Variants in SLC6A5 observed in about 807,000 individuals in gnomAD.
SLC6A5 encodes solute carrier family 6 member 5, also known as sodium- and chloride-dependent glycine transporter 2.
In SLC6A5, 58 loss-of-function variants were observed where a neutral mutation model predicts 90.5. That is an observed-to-expected ratio of 0.64 (90% CI 0.52 to 0.80). The LOEUF (loss-of-function observed/expected upper bound fraction) is 0.80, where lower values mean the gene tolerates loss of function less well. Among genes scored for constraint, SLC6A5 ranks in the 30% least tolerant of loss-of-function variants. SLC6A5 has a pLI of 0.00. For missense variants in SLC6A5, 1,015 were observed against 1,017.6 expected (o/e 1.00, Z 0.03); for synonymous variants, 427 against 401.4 (o/e 1.06, Z -0.76).
intron 4 of SLC6A5, 68 bp downstream of exon 4, chr11:20,607,206 C>G: frequency 1.3e-6 from 2 of 1,553,426 alleles, no homozygotes; most frequent in Admixed American, 3.9e-5. Flanking sequence ...CACCATGCAG[C>G]CCCAGGGAGG....
At chr11:20,602,038 A>T (rs1351775530) in intron 2 of SLC6A5, among the ~76,000 whole-genome samples, 1 of 152,224 alleles carries the variant, frequency 6.6e-6, no homozygotes, top group East Asian at 1.9e-4. Flanking sequence ...TAATTAAACA[A>T]AAAGAGGGTT....
chr11:20,644,737 A>T (rs1283504147), intron 13 of SLC6A5, among the ~76,000 whole-genome samples: 1 of 152,222 alleles, frequency 6.6e-6, no homozygotes, highest in Non-Finnish European at 1.5e-5. Context: ...GTACAACTCA[A>T]TGAATTTTCA....
rs749736055 is a variant in SLC6A5 at position 20,601,474 on chromosome 11, G to A, written c.349G>A (p.Ala117Thr). The A allele has an allele frequency of 2.5e-6, 4 of 1,612,438 alleles. No homozygotes were observed. The South Asian group carries it at 3.3e-5, about 13-fold the overall frequency. Residue 117 changes from alanine to threonine, a missense_variant, in exon 2 of 16, where the codon GCG (alanine) becomes ACG (threonine). Coordinates refer to ENST00000525748, the MANE Select transcript of SLC6A5 (RefSeq NM_004211.5). Reference protein sequence around the residue: ...PPPGSSGPGNALHCKIPFLRG... With the variant: ...PPPGSSGPGNTLHCKIPFLRG... Reference sequence around the variant, plus strand: ...TCCCGGGAGCTCCGGGCCCGGCAACGCGCTGCACTGTAAGATCCCTTTTCT... The same window carrying A: ...TCCCGGGAGCTCCGGGCCCGGCAACACGCTGCACTGTAAGATCCCTTTTCT...
At chr11:20,612,087 AC>A (rs1428363896) in intron 5 of SLC6A5, among the ~76,000 whole-genome samples, 1 of 152,218 alleles carries the variant, frequency 6.6e-6, no homozygotes, top group East Asian at 1.9e-4. Flanking sequence ...GGTCTAAAGA[AC>A]TACTGAAAGG....
At chr11:20,607,431 C>T (rs1852604841) in intron 4 of SLC6A5, 48 bp from the exon 5 acceptor site, 1 of 1,609,270 alleles carries the variant, frequency 6.2e-7, no homozygotes. Context: ...TCTAAGAATT[C>T]CATAGCATTT....
Position 20,599,648 on chromosome 11 carries a change from GT to G in SLC6A5, c.-23del. 6.2e-7 allele frequency: 1 copy of G among 1,614,100 alleles called. No homozygotes were observed. The highest frequency in any genetic ancestry group is 2.2e-5 in the East Asian group (1 of 44,870). On this transcript the variant is annotated 5_prime_UTR_variant, in exon 1 of 16. Transcript: ENST00000525748. ...CAATAGCGGGTTTCACCCTCCACCA[GT>G]TCAGTCTGTTGCCTGTGTCAGACAT...
In SLC6A5 at chr11:20,640,346, T is replaced by C. The variant is rs115330896; in HGVS notation, c.1969+1788T>C. Reference sequence around the variant, plus strand: ...CTGTTCAGGATGGTTTAAAACATCATTAAAATAGAAACCTTAATATTTCTG... The same window carrying C: ...CTGTTCAGGATGGTTTAAAACATCACTAAAATAGAAACCTTAATATTTCTG... On this transcript the variant is annotated intron_variant, in intron 13 of 15. Coordinates refer to ENST00000525748, the MANE Select transcript of SLC6A5 (RefSeq NM_004211.5). Among the ~76,000 whole-genome samples, 1,012 of 152,324 alleles carry C rather than the reference T, an allele frequency of 6.6e-3. 16 individuals carry two copies. The highest frequency in any genetic ancestry group is 0.022 in the African/African-American group (899 of 41,576).
Position 20,601,137 on chromosome 11 carries a change from T to C in SLC6A5, c.12T>C (p.Ser4=). The change falls in exon 2 of 16, where the codon AGT becomes AGC. Residue 4 remains serine, a synonymous_variant. Transcript: ENST00000525748. ...TGACATTGTGTTTGCAGGATTGCAG[T>C]GCTCCCAAGGAAATGAATAAACTGC... MDC[S]APKEMNKLPA... 3 of 1,590,680 alleles carry C rather than the reference T, an allele frequency of 1.9e-6. No individual in the cohort carries two copies. The highest frequency in any genetic ancestry group is 2.6e-6 in the Non-Finnish European group (3 of 1,176,078).
chr11:20,620,593 T>G (rs1852870710), intron 7 of SLC6A5, among the ~76,000 whole-genome samples: 2 of 152,180 alleles, frequency 1.3e-5, no homozygotes, highest in African/African-American at 4.8e-5. Flanking sequence ...AAGAGAGCTT[T>G]GTTGAACACT....
At chr11:20,641,000 G>A (rs562959679) in intron 13 of SLC6A5, among the ~76,000 whole-genome samples, 42 of 152,272 alleles carry the variant, frequency 2.8e-4, no homozygotes, top group Admixed American at 9.1e-4. Context: ...CAATTTTCAA[G>A]TTTTATTTAT....
intron 7 of SLC6A5, among the ~76,000 whole-genome samples, chr11:20,620,550 A>G (rs1195092145): frequency 6.6e-6 from 1 of 152,222 alleles, no homozygotes; most frequent in Non-Finnish European, 1.5e-5. Flanking sequence ...TGACATCTCC[A>G]CAGCAGTGGC....
chr11:20,609,524 A>G (rs1042685508), intron 5 of SLC6A5, among the ~76,000 whole-genome samples: 5 of 152,124 alleles, frequency 3.3e-5, no homozygotes, highest in African/African-American at 1.2e-4. Context: ...TAGACAACGG[A>G]TATTGCCAGG....
intron 14 of SLC6A5, among the ~76,000 whole-genome samples, chr11:20,651,893 G>A (rs1853539455): frequency 1.3e-5 from 2 of 151,704 alleles, no homozygotes; most frequent in South Asian, 2.1e-4. Flanking sequence ...GTGACAGAGT[G>A]AGACTCTGTC....
chr11:20,617,629 G>T (rs1473052610), intron 6 of SLC6A5, 123 bp from the exon 7 acceptor site: 2 of 812,612 alleles, frequency 2.5e-6, no homozygotes. Context: ...TGGTGGGGTG[G>T]GTGGAGGATG....
intron 1 of SLC6A5, 109 bp downstream of exon 1, chr11:20,599,784 A>C: frequency 7.9e-7 from 1 of 1,261,772 alleles, no homozygotes; most frequent in Non-Finnish European, 1.2e-6. Context: ...GGGTGGGGGG[A>C]AAGGGGGCGA....
intron 10 of SLC6A5, among the ~76,000 whole-genome samples, chr11:20,635,327 G>A (rs747173573): frequency 1.3e-5 from 2 of 152,076 alleles, no homozygotes; most frequent in African/African-American, 4.8e-5. Context: ...GGTAAGTCAC[G>A]GAATCTGGAT....
intron 5 of SLC6A5, among the ~76,000 whole-genome samples, chr11:20,608,902 C>G (rs1437847142): frequency 9.0e-6 from 1 of 111,676 alleles, no homozygotes; most frequent in Non-Finnish European, 1.8e-5. Context: ...TTTATAGTCT[C>G]TCTCTCTGTC....
chr11:20,618,169 G>C (rs1590163892), intron 7 of SLC6A5, among the ~76,000 whole-genome samples: 1 of 152,122 alleles, frequency 6.6e-6, no homozygotes, highest in Non-Finnish European at 1.5e-5. Context: ...CCTCTCAGGG[G>C]CTGCCACTCA....
intron 13 of SLC6A5, among the ~76,000 whole-genome samples, chr11:20,642,960 G>GA (rs1217734202): frequency 1.3e-5 from 2 of 152,208 alleles, no homozygotes; most frequent in African/African-American, 2.4e-5. Flanking sequence ...GTCTCTTGCT[G>GA]AAAACTGAGC....
Sources: allele counts gnomAD v4.1 joint callset (sites outside exome capture counted in the v4.1 genomes callset), GRCh38; gene constraint gnomAD v4.1.1; transcripts MANE v1.5; gene names NCBI Gene and HGNC (gene_info 2026-07-23, HGNC 2026-07-21).